Variants in TAAR6 observed in about 807,000 individuals in gnomAD.
TAAR6 encodes trace amine associated receptor 6, also known as trace amine-associated receptor 6.
A neutral mutation model predicts 18.4 loss-of-function variants in TAAR6; 15 were observed. That is an observed-to-expected ratio of 0.82 (90% CI 0.55 to 1.26). The LOEUF is 1.26. Ranked by LOEUF, TAAR6 falls within the 50% of genes most tolerant of loss-of-function variation. The probability of loss-of-function intolerance (pLI) is 0.00; values close to 1 mark genes in which losing one functional copy is unlikely to be tolerated. For missense variants in TAAR6, 501 were observed against 415.9 expected, an observed-to-expected ratio of 1.20 and a Z score of -1.78; for synonymous variants, 192 against 162.4, an observed-to-expected ratio of 1.18 and a Z score of -1.39.
chr6:132,570,998 G>A lies in TAAR6; in HGVS notation c.677G>A (p.Arg226Gln), dbSNP rs952061571. The stretch of plus-strand genomic sequence containing the variant: ...GGTAACATATTTCTTGTGGCTAGAC[G>A]ACAGGCGAAAAAGATAGAAAATACT... ...LYGNIFLVARRQAKKIENTGS... is the reference protein window; with the variant it reads ...LYGNIFLVARQQAKKIENTGS... The change falls in exon 1 of 1, where the codon CGA (arginine) becomes CAA (glutamine). Residue 226 changes from arginine (R) to glutamine (Q), a missense_variant. Arg to Gln is a conservative substitution (Grantham distance 43). Coordinates refer to ENST00000275198, the MANE Select transcript of TAAR6 (RefSeq NM_175067.1). The A allele has an allele frequency of 5.0e-6, 8 of 1,613,800 alleles. No individual in the cohort carries two copies. Among genetic ancestry groups the A allele is most frequent in the South Asian group, 1.1e-5 (1 of 91,064 alleles).
chr6:132,570,721 G>A lies in TAAR6; in HGVS notation c.400G>A (p.Val134Ile). Residue 134 changes from valine (V) to isoleucine (I), a missense_variant, in exon 1 of 1, where the codon GTT (valine) becomes ATT (isoleucine). Transcript: ENST00000275198. ...CFISIDRYIA[V>I]TDPLVYPTKF... is the part of the protein sequence containing the mutation. ...CATCTCCATCGACAGGTACATTGCG[G>A]TTACTGACCCCCTGGTCTATCCTAC... 1 of 1,614,028 alleles carries A rather than the reference G, an allele frequency of 6.2e-7. No homozygotes were observed. Among genetic ancestry groups the A allele is most frequent in the Non-Finnish European group, 8.5e-7 (1 of 1,179,974 alleles).
In TAAR6 at chr6:132,571,216, T is replaced by A. The variant is rs377021502; in HGVS notation, c.895T>A (p.Cys299Ser). ...PACIYEICCW[C>S]AYYNSAMNPL... is the part of the protein sequence containing the mutation. ...CTGTATTTATGAGATTTGCTGTTGG[T>A]GTGCTTATTATAACTCAGCCATGAA... The change falls in exon 1 of 1, where the codon TGT (cysteine) becomes AGT (serine). Residue 299 changes from cysteine (C) to serine (S), a missense_variant. Coordinates refer to ENST00000275198, the MANE Select transcript of TAAR6 (RefSeq NM_175067.1). The A allele has an allele frequency of 1.4e-4, 228 of 1,614,022 alleles. No individual in the cohort carries two copies. Among genetic ancestry groups the A allele is most frequent in the South Asian group, 5.7e-4 (52 of 91,088 alleles).
rs1350710439 is a variant in TAAR6 at position 132,570,562 on chromosome 6, G to A, written c.241G>A (p.Val81Met). Residue 81 changes from valine to methionine, a missense_variant, in exon 1 of 1, where the codon GTG (valine) becomes ATG (methionine). Physicochemically the swap from Val to Met is conservative, Grantham distance 21 (BLOSUM62 1). Coordinates refer to ENST00000275198, the MANE Select transcript of TAAR6 (RefSeq NM_175067.1). ...CTCTCTGGCCTGCGCTGATTTCTTGGTGGGTGTGACTGTGATGCCCTTCAG... is the reference window on the plus strand; with the variant it reads ...CTCTCTGGCCTGCGCTGATTTCTTGATGGGTGTGACTGTGATGCCCTTCAG... ...VASLACADFL[V>M]GVTVMPFSMV... 1 of 1,614,050 alleles carries A rather than the reference G, an allele frequency of 6.2e-7. No individual in the cohort carries two copies. The highest frequency in any genetic ancestry group is 8.5e-7 in the Non-Finnish European group (1 of 1,180,022).
At position 132,570,679 on chromosome 6, in the gene TAAR6, C is replaced by T; in HGVS notation, c.358C>T (p.Leu120Phe). The T allele has an allele frequency of 6.2e-7, 1 of 1,614,140 alleles. No homozygotes were observed. The highest frequency in any genetic ancestry group is 8.5e-7 in the Non-Finnish European group (1 of 1,180,004). The change falls in exon 1 of 1, where the codon CTC becomes TTC. Residue 120 changes from leucine to phenylalanine, a missense_variant. Transcript: ENST00000275198. ...CCDVAFCYSS[L>F]FHLCFISIDR... ...TGATGTGGCATTTTGTTACTCTTCT[C>T]TCTTTCACTTGTGCTTCATCTCCAT... is the stretch of plus-strand genomic sequence containing the variant.
At position 132,571,100 on chromosome 6, in the gene TAAR6, T is replaced by C; in HGVS notation, c.779T>C (p.Leu260Pro). The C allele has an allele frequency of 6.2e-7, 1 of 1,614,080 alleles. No homozygotes were observed. The highest frequency in any genetic ancestry group is 1.3e-5 in the African/African-American group (1 of 75,058). ...AGAGAGAGAAAAGCAGCTAAAACCC[T>C]GGGGGTCACAGTGGTAGCATTTATG... The part of the protein sequence containing the change: ...ARRERKAAKT[L>P]GVTVVAFMIS... Residue 260 changes from leucine (L) to proline (P), a missense_variant, in exon 1 of 1, where the codon CTG (leucine) becomes CCG (proline). Coordinates refer to ENST00000275198, the MANE Select transcript of TAAR6 (RefSeq NM_175067.1).
Position 132,570,934 on chromosome 6 carries a change from T to C in TAAR6, c.613T>C (p.Ser205Pro), listed in dbSNP as rs1301086777. Residue 205 changes from serine to proline, a missense_variant, in exon 1 of 1, where the codon TCC (serine) becomes CCC (proline). Ser to Pro is a moderately conservative substitution (Grantham distance 74). Transcript: ENST00000275198. ...NQNWVLTDFL[S>P]FFIPTFIMII... is the part of the protein sequence containing the mutation. ...AAACTGGGTGTTGACAGATTTTCTATCCTTCTTTATACCTACCTTTATTAT... is the reference window on the plus strand; with the variant it reads ...AAACTGGGTGTTGACAGATTTTCTACCCTTCTTTATACCTACCTTTATTAT... 7.4e-6 allele frequency: 12 copies of C among 1,614,048 alleles called. No individual in the cohort carries two copies. Among genetic ancestry groups the C allele is most frequent in the Admixed American group, 3.3e-5 (2 of 60,012 alleles).
At position 132,571,041 on chromosome 6, in the gene TAAR6, A is replaced by C; in HGVS notation, c.720A>C (p.Ser240=). 6.2e-7 allele frequency: 1 copy of C among 1,614,146 alleles called. No homozygotes were observed. Among genetic ancestry groups the C allele is most frequent in the Non-Finnish European group, 8.5e-7 (1 of 1,180,000 alleles). Residue 240 remains serine, a synonymous_variant, in exon 1 of 1, where the codon TCA becomes TCC. Transcript: ENST00000275198. The stretch of plus-strand genomic sequence containing the variant: ...AAAATACTGGTAGCAAGACAGAATC[A>C]TCCTCAGAGAGTTACAAAGCCAGAG... The part of the protein sequence containing the change: ...KIENTGSKTE[S]SSESYKARVA...
Position 132,571,343 on chromosome 6 carries a change from T to C in TAAR6, c.1022T>C (p.Phe341Ser), listed in dbSNP as rs1776644346. Residue 341 changes from phenylalanine (F) to serine (S), a missense_variant, in exon 1 of 1, where the codon TTT (phenylalanine) becomes TCT (serine). Transcript: ENST00000275198. The part of the protein sequence containing the change: ...LKNSSATMNL[F>S]SEHI ...AACAGTTCAGCAACCATGAATTTGT[T>C]TTCTGAACATATATAAGCAGTTGTA... The C allele has an allele frequency of 2.5e-6, 4 of 1,609,750 alleles. No homozygotes were observed. In the Middle Eastern group the frequency reaches 5.0e-4, roughly 201 times the overall value.
chr6:132,571,355 T>C lies in TAAR6; in HGVS notation c.1034T>C (p.Ile345Thr). 4 of 1,602,860 alleles carry C rather than the reference T, an allele frequency of 2.5e-6. No individual in the cohort carries two copies. Among genetic ancestry groups the C allele is most frequent in the East Asian group, 4.5e-5 (2 of 44,782 alleles). The part of the protein sequence containing the change: ...SATMNLFSEH[I>T] Reference sequence around the variant, plus strand: ...ACCATGAATTTGTTTTCTGAACATATATAAGCAGTTGTATAGACGAAGTTC... The same window carrying C: ...ACCATGAATTTGTTTTCTGAACATACATAAGCAGTTGTATAGACGAAGTTC... Residue 345 changes from isoleucine to threonine, a missense_variant, in exon 1 of 1, where the codon ATA (isoleucine) becomes ACA (threonine). Coordinates refer to ENST00000275198, the MANE Select transcript of TAAR6 (RefSeq NM_175067.1).
In TAAR6 at chr6:132,571,253, A is replaced by C; in HGVS notation, c.932A>C (p.Tyr311Ser). ...AACTCAGCCATGAATCCTTTGATTT[A>C]TGCTTTATTTTACCCATGGTTTAGG... ...YYNSAMNPLI[Y>S]ALFYPWFRKA... Residue 311 changes from tyrosine (Y) to serine (S), a missense_variant, in exon 1 of 1, where the codon TAT becomes TCT. By Grantham distance (144) the Tyr-to-Ser change is moderately radical. Coordinates refer to ENST00000275198, the MANE Select transcript of TAAR6 (RefSeq NM_175067.1). 1 of 1,614,060 alleles carries C rather than the reference A, an allele frequency of 6.2e-7. No homozygotes were observed. Among genetic ancestry groups the C allele is most frequent in the South Asian group, 1.1e-5 (1 of 91,082 alleles).
chr6:132,571,063 A>C lies in TAAR6; in HGVS notation c.742A>C (p.Arg248=). ...TESSSESYKA[R]VARRERKAAK... ...ATCATCCTCAGAGAGTTACAAAGCC[A>C]GAGTGGCCAGGAGAGAGAGAAAAGC... Residue 248 remains arginine (R), a synonymous_variant, in exon 1 of 1, where the codon AGA becomes CGA. Coordinates refer to ENST00000275198, the MANE Select transcript of TAAR6 (RefSeq NM_175067.1). 6.2e-7 allele frequency: 1 copy of C among 1,614,134 alleles called. No individual in the cohort carries two copies. Among genetic ancestry groups the C allele is most frequent in the Non-Finnish European group, 8.5e-7 (1 of 1,180,006 alleles).
At position 132,570,991 on chromosome 6, in the gene TAAR6, G is replaced by C. The variant is rs377511488; in HGVS notation, c.670G>C (p.Ala224Pro). 1 of 1,613,954 alleles carries C rather than the reference G, an allele frequency of 6.2e-7. No homozygotes were observed. The highest frequency in any genetic ancestry group is 8.5e-7 in the Non-Finnish European group (1 of 1,179,984). ...IILYGNIFLV[A>P]RRQAKKIENT... ...TCTGTATGGTAACATATTTCTTGTG[G>C]CTAGACGACAGGCGAAAAAGATAGA... The change falls in exon 1 of 1, where the codon GCT becomes CCT. Residue 224 changes from alanine to proline, a missense_variant. Coordinates refer to ENST00000275198, the MANE Select transcript of TAAR6 (RefSeq NM_175067.1).
In TAAR6 at chr6:132,570,790, T is replaced by C. The variant is rs771069146; in HGVS notation, c.469T>C (p.Trp157Arg). The C allele has an allele frequency of 4.3e-6, 7 of 1,614,160 alleles. No homozygotes were observed. Among genetic ancestry groups the C allele is most frequent in the Non-Finnish European group, 5.9e-6 (7 of 1,180,010 alleles). The part of the protein sequence containing the change: ...SVSGICISVS[W>R]ILPLMYSGAV... Reference sequence around the variant, plus strand: ...GTCAGGAATTTGCATCAGCGTGTCCTGGATCCTGCCCCTCATGTACAGCGG... The same window carrying C: ...GTCAGGAATTTGCATCAGCGTGTCCCGGATCCTGCCCCTCATGTACAGCGG... The change falls in exon 1 of 1, where the codon TGG becomes CGG. Residue 157 changes from tryptophan to arginine, a missense_variant. Trp to Arg is a moderately radical substitution (Grantham distance 101). Transcript: ENST00000275198.
Position 132,570,337 on chromosome 6 carries a change from T to C in TAAR6, c.16T>C (p.Ser6Pro), listed in dbSNP as rs774402953. The change falls in exon 1 of 1, where the codon TCC becomes CCC. Residue 6 changes from serine (S) to proline (P), a missense_variant. Coordinates refer to ENST00000275198, the MANE Select transcript of TAAR6 (RefSeq NM_175067.1). MSSNS[S>P]LLVAVQLCYA... ...TAACAGCGTTATGAGCAGCAATTCA[T>C]CCCTGCTGGTGGCTGTGCAGCTGTG... 1.6e-5 allele frequency: 26 copies of C among 1,608,996 alleles called. No homozygotes were observed. The highest frequency in any genetic ancestry group is 2.0e-5 in the Non-Finnish European group (23 of 1,175,810).
In TAAR6 at chr6:132,570,590, T is replaced by C. The variant is rs1288463134; in HGVS notation, c.269T>C (p.Met90Thr). 2.5e-6 allele frequency: 4 copies of C among 1,614,064 alleles called. No homozygotes were observed. Among genetic ancestry groups the C allele is most frequent in the Admixed American group, 1.7e-5 (1 of 60,006 alleles). ...LVGVTVMPFS[M>T]VRTVESCWYF... ...GGTGTGACTGTGATGCCCTTCAGCA[T>C]GGTCAGGACGGTGGAGAGCTGCTGG... Residue 90 changes from methionine to threonine, a missense_variant, in exon 1 of 1, where the codon ATG becomes ACG. Physicochemically the swap from Met to Thr is moderately conservative, Grantham distance 81. Coordinates refer to ENST00000275198, the MANE Select transcript of TAAR6 (RefSeq NM_175067.1).
At position 132,570,516 on chromosome 6, in the gene TAAR6, T is replaced by G. The variant is rs756620398; in HGVS notation, c.195T>G (p.Ser65=). 6.2e-7 allele frequency: 1 copy of G among 1,614,058 alleles called. No homozygotes were observed. The highest frequency in any genetic ancestry group is 8.5e-7 in the Non-Finnish European group (1 of 1,179,994). The part of the protein sequence containing the change: ...ISILHFKQLH[S]PTNFLVASLA... The stretch of plus-strand genomic sequence containing the variant: ...TCCTCCATTTCAAGCAGCTGCACTC[T>G]CCGACCAATTTTCTCGTTGCCTCTC... Residue 65 remains serine (S), a synonymous_variant, in exon 1 of 1, where the codon TCT becomes TCG. Coordinates refer to ENST00000275198, the MANE Select transcript of TAAR6 (RefSeq NM_175067.1).
rs1562180595 is a variant in TAAR6 at position 132,570,378 on chromosome 6, T to C, written c.57T>C (p.Asn19=). 1 of 1,614,082 alleles carries C rather than the reference T, an allele frequency of 6.2e-7. No homozygotes were observed. The highest frequency in any genetic ancestry group is 2.2e-5 in the East Asian group (1 of 44,876). Residue 19 remains asparagine (N), a synonymous_variant, in exon 1 of 1, where the codon AAT becomes AAC. Transcript: ENST00000275198. ...TGCAGCTGTGCTACGCGAACGTGAA[T>C]GGGTCCTGTGTGAAAATCCCCTTCT... The part of the protein sequence containing the change: ...VAVQLCYANV[N]GSCVKIPFSP...
At position 132,570,331 on chromosome 6, in the gene TAAR6, A is replaced by G. The variant is rs1450030480; in HGVS notation, c.10A>G (p.Asn4Asp). The G allele has an allele frequency of 1.9e-6, 3 of 1,607,366 alleles. No individual in the cohort carries two copies. Among genetic ancestry groups the G allele is most frequent in the Non-Finnish European group, 2.6e-6 (3 of 1,174,498 alleles). ...TGTAAATAACAGCGTTATGAGCAGC[A>G]ATTCATCCCTGCTGGTGGCTGTGCA... MSSNSSLLVAVQLC... is the reference protein window; with the variant it reads MSSDSSLLVAVQLC... The change falls in exon 1 of 1, where the codon AAT (asparagine) becomes GAT (aspartate). Residue 4 changes from asparagine (N) to aspartate (D), a missense_variant. Physicochemically the swap from Asn to Asp is conservative, Grantham distance 23. Coordinates refer to ENST00000275198, the MANE Select transcript of TAAR6 (RefSeq NM_175067.1).
rs199865478 is a variant in TAAR6, at chr6:132,570,500, T to A, written c.179T>A (p.Phe60Tyr). ...NLLVMISILH[F>Y]KQLHSPTNFL... ...CTGGTGATGATTTCAATCCTCCATT[T>A]CAAGCAGCTGCACTCTCCGACCAAT... Residue 60 changes from phenylalanine to tyrosine, a missense_variant, in exon 1 of 1, where the codon TTC (phenylalanine) becomes TAC (tyrosine). Coordinates refer to ENST00000275198, the MANE Select transcript of TAAR6 (RefSeq NM_175067.1). 1.2e-6 allele frequency: 2 copies of A among 1,614,036 alleles called. No individual in the cohort carries two copies. The highest frequency in any genetic ancestry group is 1.7e-6 in the Non-Finnish European group (2 of 1,179,984).
Sources: gnomAD v4.1 joint callset for allele counts on GRCh38, gnomAD v4.1.1 for gene constraint, MANE v1.5 for transcripts, NCBI Gene and HGNC (gene_info 2026-07-23, HGNC 2026-07-21) for gene names.